CFAP299: variants seen among roughly 807,000 people sequenced by gnomAD.
The protein encoded by CFAP299 is cilia- and flagella-associated protein 299.
A neutral mutation model predicts 27.0 loss-of-function variants in CFAP299; 21 were observed. That is an observed-to-expected ratio of 0.78 (90% CI 0.55 to 1.12). The LOEUF is 1.12. CFAP299 is among the 50% of genes most tolerant of loss of function. The pLI, the probability that CFAP299 is intolerant of heterozygous loss-of-function variation, is 0.00. For missense variants in CFAP299, 310 were observed against 276.6 expected (o/e 1.12, Z -0.86); for synonymous variants, 104 against 98.1 (o/e 1.06, Z -0.36).
intron 5 of CFAP299, among the ~76,000 whole-genome samples, chr4:80,946,965 T>C (rs1215382185): frequency 6.6e-6 from 1 of 152,230 alleles, no homozygotes; most frequent in Non-Finnish European, 1.5e-5. Flanking sequence ...TTGAATGACA[T>C]CATATTTAAA....
chr4:80,456,905 G>A (rs1225174410), intron 2 of CFAP299, among the ~76,000 whole-genome samples: 1 of 152,054 alleles, frequency 6.6e-6, no homozygotes, highest in Non-Finnish European at 1.5e-5. Context: ...GGTTTAGCCA[G>A]GAAGACAAAG....
chr4:80,509,123 T>C (rs1360526136), intron 2 of CFAP299, among the ~76,000 whole-genome samples: 1 of 152,184 alleles, frequency 6.6e-6, no homozygotes, highest in Non-Finnish European at 1.5e-5. Flanking sequence ...CCACAGGATA[T>C]AGTGTGGTTG....
chr4:80,766,470 T>C (rs1725868729), intron 3 of CFAP299, among the ~76,000 whole-genome samples: 1 of 152,196 alleles, frequency 6.6e-6, no homozygotes, highest in Non-Finnish European at 1.5e-5. Context: ...AAGACTAGTT[T>C]TGTTTCATTT....
At chr4:80,387,945 G>A (rs1424209271) in intron 2 of CFAP299, 4 of 807,618 alleles carry the variant, frequency 5.0e-6, no homozygotes, top group African/African-American at 1.7e-5. Context: ...TCCTTTGGGT[G>A]TTTGCCAGGG....
rs550999329 is a variant in CFAP299 at position 80,559,980 on chromosome 4, T to C, written c.243-23113T>C. On this transcript the variant is annotated intron_variant, in intron 2 of 5. Coordinates refer to ENST00000358105, the MANE Select transcript of CFAP299 (RefSeq NM_152770.3). ...TGGACTAAGGGATCACATAACATAC[T>C]GAGACACCAGCTGGGACAGCCAAGG... Among the ~76,000 whole-genome samples, 3 of 152,178 alleles carry C rather than the reference T, an allele frequency of 2.0e-5. No homozygotes were observed. The South Asian group carries it at 6.2e-4, about 32-fold the overall frequency.
chr4:80,322,302 C>T, the CFAP299 span, among the ~76,000 whole-genome samples: 1 of 152,176 alleles, frequency 6.6e-6, no homozygotes, highest in African/African-American at 2.4e-5. Context: ...ATCAGTGCAA[C>T]AAAACAGCAA....
At chr4:80,590,748 C>T (rs114276667) in intron 3 of CFAP299, among the ~76,000 whole-genome samples, 2,147 of 152,222 alleles carry the variant, frequency 0.014, 23 homozygotes, top group Non-Finnish European at 0.02. Context: ...TGATCATACT[C>T]ATGTTCTAAT....
intron 4 of CFAP299, among the ~76,000 whole-genome samples, chr4:80,900,123 AGT>A (rs3038537): frequency 0.019 from 2,706 of 139,870 alleles, 65 homozygotes; most frequent in African/African-American, 0.059. Flanking sequence ...AGTGGAAGAA[AGT>A]GTGTGTGTGT....
At chr4:80,601,330 TA>T (rs1737338933) in intron 3 of CFAP299, among the ~76,000 whole-genome samples, 1 of 152,180 alleles carries the variant, frequency 6.6e-6, no homozygotes, top group Non-Finnish European at 1.5e-5. Context: ...AGATACTTCT[TA>T]AAATTTTTCA....
rs1723622421 is a variant in CFAP299, at chr4:80,362,824, A to AT, written c.186dup (p.Glu63Ter). ...ACTGGAGAGAGAGTGAAAAGGGAAG[A>AT]TTTTGAAGCAAGGAAAGCGGCTATA... On this transcript the variant is annotated frameshift_variant, in exon 2 of 6. Transcript: ENST00000358105. LOFTEE classifies it high-confidence loss of function. 2 of 1,613,170 alleles carry AT rather than the reference A, an allele frequency of 1.2e-6. No individual in the cohort carries two copies. The highest frequency in any genetic ancestry group is 2.7e-5 in the African/African-American group (2 of 74,908).
intron 2 of CFAP299, among the ~76,000 whole-genome samples, chr4:80,498,632 C>T (rs1281734447): frequency 6.6e-6 from 1 of 152,000 alleles, no homozygotes; most frequent in Non-Finnish European, 1.5e-5. Flanking sequence ...GGAACATTTA[C>T]ATACCACTAG....
chr4:80,637,608 C>T (rs1197492319), intron 3 of CFAP299, among the ~76,000 whole-genome samples: 1 of 152,144 alleles, frequency 6.6e-6, no homozygotes, highest in Non-Finnish European at 1.5e-5. Context: ...CTCCACCAGC[C>T]AAACTCGTTT....
intron 2 of CFAP299, among the ~76,000 whole-genome samples, chr4:80,557,583 G>A (rs1315125627): frequency 6.6e-6 from 1 of 152,068 alleles, no homozygotes; most frequent in African/African-American, 2.4e-5. Flanking sequence ...GTTACTCATT[G>A]CATATATCTG....
chr4:80,930,484 G>T (rs1441341687), intron 4 of CFAP299, among the ~76,000 whole-genome samples: 2 of 152,128 alleles, frequency 1.3e-5, no homozygotes, highest in Non-Finnish European at 2.9e-5. Context: ...GTTGTGGGCG[G>T]AGCGGTCTTG....
intron 3 of CFAP299, among the ~76,000 whole-genome samples, chr4:80,768,010 A>G (rs1180292288): frequency 1.3e-5 from 2 of 152,196 alleles, no homozygotes; most frequent in East Asian, 3.8e-4. Context: ...GTAAAACACA[A>G]TATGCCTGGT....
intron 2 of CFAP299, among the ~76,000 whole-genome samples, chr4:80,573,502 T>C (rs188222225): frequency 6.6e-6 from 1 of 152,132 alleles, no homozygotes; most frequent in Non-Finnish European, 1.5e-5. Flanking sequence ...TTTGGTTGCC[T>C]GTGCTTTTGG....
Position 80,422,196 on chromosome 4 carries a change from A to T in CFAP299, c.242+59312A>T, listed in dbSNP as rs536376790. On this transcript the variant is annotated intron_variant, in intron 2 of 5. Transcript: ENST00000358105. ...TTCCACTAAGTCTCTACTTACAACT[A>T]TACACCATAGTTCAGCTATTCACCA... is the stretch of plus-strand genomic sequence containing the variant. 2.2e-3 allele frequency among the ~76,000 whole-genome samples: 341 copies of T among 152,264 alleles called. 4 individuals are homozygous for T. Among genetic ancestry groups the T allele is most frequent in the African/African-American group, 8.0e-3 (332 of 41,554 alleles).
chr4:80,428,131 G>C (rs1019368180), intron 2 of CFAP299, among the ~76,000 whole-genome samples: 3 of 152,190 alleles, frequency 2.0e-5, no homozygotes, highest in Non-Finnish European at 2.9e-5. Flanking sequence ...AGAGTTTGTA[G>C]AGTGGTTCTA....
chr4:80,692,185 G>A (rs1578026174), intron 3 of CFAP299, among the ~76,000 whole-genome samples: 2 of 152,064 alleles, frequency 1.3e-5, no homozygotes, highest in South Asian at 4.2e-4. Context: ...ACAGAATTGG[G>A]AAAAACTACC....
Sources: gnomAD v4.1 joint callset for allele counts (sites outside exome capture counted in the v4.1 genomes callset) on GRCh38, gnomAD v4.1.1 for gene constraint, MANE v1.5 for transcripts, NCBI Gene and HGNC (gene_info 2026-07-23, HGNC 2026-07-21) for gene names.